The following FBXO11 variants were observed in gnomAD, a reference collection of about 807,000 sequenced individuals.
The protein encoded by FBXO11 is F-box only protein 11.
FBXO11 carries 13 observed loss-of-function variants against 117.0 expected under a neutral mutation model. The observed-to-expected ratio is 0.11, with a 90% CI of 0.07 to 0.18. FBXO11 has a LOEUF of 0.18. Among genes scored for constraint, FBXO11 ranks in the 10% least tolerant of loss-of-function variants. FBXO11 has a pLI of 1.00. For synonymous variants in FBXO11, 490 were observed against 380.5 expected (o/e 1.29, Z -3.35); for missense variants, 767 against 1,164.4 (o/e 0.66, Z 4.97).
Position 47,809,247 on chromosome 2 carries a change from A to G in FBXO11, c.2466T>C (p.Asn822=). 1 of 1,586,676 alleles carries G rather than the reference A, an allele frequency of 6.3e-7. No individual in the cohort carries two copies. The highest frequency in any genetic ancestry group is 8.6e-7 in the Non-Finnish European group (1 of 1,161,844). ...VTMKDNKIMN[N]QDAIEKAVSR... ...TAACAGCCTTTTCTATGGCATCTTGATTGTTCATTATTTTGTTATCTGTAA... is the reference window on the plus strand; with the variant it reads ...TAACAGCCTTTTCTATGGCATCTTGGTTGTTCATTATTTTGTTATCTGTAA... Residue 822 remains asparagine (N), a synonymous_variant, in exon 21 of 23, where the codon AAT becomes AAC. Coordinates refer to ENST00000403359, the MANE Select transcript of FBXO11 (RefSeq NM_001190274.2).
intron 11 of FBXO11, among the ~76,000 whole-genome samples, chr2:47,830,140 AACAAT>A (rs1403063638): frequency 9.9e-5 from 15 of 152,226 alleles, no homozygotes; most frequent in African/African-American, 3.6e-4. Context: ...AAAATAGTAA[AACAAT>A]ACATCAGCAA....
Position 47,845,348 on chromosome 2 carries a change from A to T in FBXO11, c.233-5579T>A, listed in dbSNP as rs142155276. 3.6e-3 allele frequency among the ~76,000 whole-genome samples: 551 copies of T among 152,346 alleles called. 1 individual carries two copies. Among genetic ancestry groups the T allele is most frequent in the Non-Finnish European group, 6.1e-3 (417 of 68,032 alleles). ...ACAGAAATCTCAACTTCCCACTTGT[A>T]AACACTGTCCTGAAGTGCTCATGAG... On this transcript the variant is annotated intron_variant, in intron 1 of 22. Coordinates refer to ENST00000403359, the MANE Select transcript of FBXO11 (RefSeq NM_001190274.2).
At chr2:47,904,551 G>A (rs1678582695) in intron 1 of FBXO11, among the ~76,000 whole-genome samples, 2 of 151,074 alleles carry the variant, frequency 1.3e-5, no homozygotes, top group East Asian at 2.0e-4. Flanking sequence ...ACTAGGCCTT[G>A]GACACAACAC....
intron 1 of FBXO11, among the ~76,000 whole-genome samples, chr2:47,900,753 C>T (rs1289005718): frequency 9.4e-6 from 1 of 106,478 alleles, no homozygotes; most frequent in African/African-American, 3.6e-5. Flanking sequence ...TACACGTATA[C>T]ACACACGTGT....
chr2:47,816,596 A>G (rs977606957), intron 16 of FBXO11, among the ~76,000 whole-genome samples: 1 of 152,176 alleles, frequency 6.6e-6, no homozygotes, highest in Non-Finnish European at 1.5e-5. Context: ...ACTGCTTTCT[A>G]AAAAGTATTT....
Position 47,906,479 on chromosome 2 carries a change from G to A in FBXO11, c.-759C>T, listed in dbSNP as rs983098589. ...CGTGGCAGGAGGAGCCATTGACACC[G>A]CCGGAGCCTCCACTCGCCCAGTCGG... is the stretch of plus-strand genomic sequence containing the variant. On this transcript the variant is annotated 5_prime_UTR_variant, in exon 1 of 23. Coordinates refer to ENST00000403359, the MANE Select transcript of FBXO11 (RefSeq NM_001190274.2). Among the ~76,000 whole-genome samples, 103 of 151,534 alleles carry A rather than the reference G, an allele frequency of 6.8e-4. No homozygotes were observed. The highest frequency in any genetic ancestry group is 1.3e-3 in the Non-Finnish European group (85 of 67,862).
intron 11 of FBXO11, among the ~76,000 whole-genome samples, chr2:47,831,732 T>C (rs1023400408): frequency 1.3e-5 from 2 of 152,174 alleles, no homozygotes; most frequent in Non-Finnish European, 2.9e-5. Flanking sequence ...GTCATGTCTC[T>C]AGAAAATTAT....
intron 1 of FBXO11, among the ~76,000 whole-genome samples, chr2:47,880,940 A>G (rs370280359): frequency 3.0e-4 from 44 of 148,322 alleles, no homozygotes; most frequent in Middle Eastern, 6.9e-3. Context: ...TGAGTTAAGC[A>G]TATTAATATC....
rs1331564057 is a variant in FBXO11 at position 47,839,462 on chromosome 2, A to C, written c.399T>G (p.Arg133=). 2 of 1,614,104 alleles carry C rather than the reference A, an allele frequency of 1.2e-6. No individual in the cohort carries two copies. Among genetic ancestry groups the C allele is most frequent in the Non-Finnish European group, 1.7e-6 (2 of 1,180,018 alleles). Residue 133 remains arginine (R), a synonymous_variant, in exon 3 of 23, where the codon CGT becomes CGG. Coordinates refer to ENST00000403359, the MANE Select transcript of FBXO11 (RefSeq NM_001190274.2). The part of the protein sequence containing the change: ...STSTTENFGH[R]AKRARVSGKS... ...TTCCAGACACTCTTGCACGTTTTGC[A>C]CGATGACCAAAGTTTTCTGTAGTTG...
At chr2:47,844,554 A>G (rs2104903856) in intron 1 of FBXO11, among the ~76,000 whole-genome samples, 1 of 152,212 alleles carries the variant, frequency 6.6e-6, no homozygotes, top group South Asian at 2.1e-4. Flanking sequence ...TTCTGATTTT[A>G]TTTCTCTGAT....
intron 11 of FBXO11, among the ~76,000 whole-genome samples, chr2:47,827,651 A>C (rs969352811): frequency 2.6e-5 from 4 of 152,104 alleles, no homozygotes. Flanking sequence ...TTTGTTAAGC[A>C]ATACCTCTAG....
At chr2:47,851,853 T>C (rs1433767804) in intron 1 of FBXO11, among the ~76,000 whole-genome samples, 1 of 152,258 alleles carries the variant, frequency 6.6e-6, no homozygotes. Flanking sequence ...TATATTCTTA[T>C]AAGCATTAAA....
At chr2:47,897,244 A>T (rs1677738154) in intron 1 of FBXO11, among the ~76,000 whole-genome samples, 1 of 152,216 alleles carries the variant, frequency 6.6e-6, no homozygotes. Flanking sequence ...TAGAAAAATC[A>T]ATGCTTGGAT....
rs372414204 is a variant in FBXO11, at chr2:47,813,032, A to G, written c.2227+202T>C. ...AAGGCTTACTGACAACTGCAGACTC[A>G]AAGTGGCTACAAAAGGAAAAGTATT... is the stretch of plus-strand genomic sequence containing the variant. On this transcript the variant is annotated intron_variant, in intron 18 of 22. Transcript: ENST00000403359. 1.9e-4 allele frequency: 112 copies of G among 587,998 alleles called. No homozygotes were observed. In the African/African-American group the frequency reaches 1.9e-3, roughly 10 times the overall value. The allele number at this position is 587,998 out of a possible 1,614,324, so 36.4% of individuals were successfully genotyped here.
chr2:47,807,372 T>TTAAAACACTCACTTTTTC lies in FBXO11; in HGVS notation c.*728_*745dup, dbSNP rs1670291467. 4.8e-6 allele frequency: 1 copy of TTAAAACACTCACTTTTTC among 209,716 alleles called. No individual in the cohort carries two copies. The allele number at this position is 209,716 out of a possible 1,614,324, so 13.0% of individuals were successfully genotyped here. A position where few individuals can be genotyped will look rare whatever the true frequency, so the allele number is the denominator to read the frequency against. ...GTGCATCCCTTCCTAGGAAGTCTCA[T>TTAAAACACTCACTTTTTC]TAAAACACTCACTTTTTCTAGGGGT... On this transcript the variant is annotated 3_prime_UTR_variant, in exon 23 of 23. Coordinates refer to ENST00000403359, the MANE Select transcript of FBXO11 (RefSeq NM_001190274.2).
At chr2:47,838,778 G>A (rs1052533173) in intron 4 of FBXO11, 81 bp downstream of exon 4, 8 of 1,347,578 alleles carry the variant, frequency 5.9e-6, no homozygotes, top group African/African-American at 4.4e-5. Context: ...CCAACTCACC[G>A]CACCGACTTT....
chr2:47,834,972 A>G, intron 5 of FBXO11, 101 bp from the exon 6 acceptor site: 2 of 810,820 alleles, frequency 2.5e-6, no homozygotes. Context: ...CAAATCAAAA[A>G]TAATTCTCAA....
chr2:47,874,455 T>C (rs1008948496), intron 1 of FBXO11, among the ~76,000 whole-genome samples: 1 of 151,942 alleles, frequency 6.6e-6, no homozygotes, highest in African/African-American at 2.4e-5. Context: ...ACTTTTAAAA[T>C]AAATTTTAAA....
chr2:47,836,753 ACATC>A (rs1672598139), intron 4 of FBXO11, among the ~76,000 whole-genome samples: 1 of 152,210 alleles, frequency 6.6e-6, no homozygotes, highest in Admixed American at 6.5e-5. Context: ...TACTGTAAAA[ACATC>A]ATGATTATCA....
Sources: allele counts gnomAD v4.1 joint callset (sites outside exome capture counted in the v4.1 genomes callset), GRCh38; gene constraint gnomAD v4.1.1; transcripts MANE v1.5; gene names NCBI Gene and HGNC (gene_info 2026-07-23, HGNC 2026-07-21).